The following MYO16 variants were observed in gnomAD, a reference collection of about 807,000 sequenced individuals.
MYO16 encodes unconventional myosin-XVI.
Under a neutral mutation model 205.3 loss-of-function variants are expected in MYO16, and 94 were observed. That is an observed-to-expected ratio of 0.46 (90% CI 0.39 to 0.54). The LOEUF (loss-of-function observed/expected upper bound fraction) is 0.54. MYO16 is among the 20% of genes least tolerant of loss of function. The pLI is 0.00. For synonymous variants in MYO16, 988 were observed against 954.0 expected, an observed-to-expected ratio of 1.04 and a Z score of -0.66; for missense variants, 2,315 against 2,387.5, an observed-to-expected ratio of 0.97 and a Z score of 0.63.
At chr13:108,887,557 T>C (rs1436672564) in intron 13 of MYO16, among the ~76,000 whole-genome samples, 1 of 152,178 alleles carries the variant, frequency 6.6e-6, no homozygotes, top group African/African-American at 2.4e-5. Flanking sequence ...AGGAATATAA[T>C]ATTTACCATT....
chr13:109,110,786 G>A (rs868267838), intron 28 of MYO16, among the ~76,000 whole-genome samples: 29 of 152,142 alleles, frequency 1.9e-4, no homozygotes, highest in African/African-American at 6.8e-4. Flanking sequence ...GAAATTTAAC[G>A]AATGAAATGG....
At chr13:108,953,324 G>C (rs1398075715) in intron 16 of MYO16, among the ~76,000 whole-genome samples, 1 of 152,164 alleles carries the variant, frequency 6.6e-6, no homozygotes. Flanking sequence ...ATTTGATTAA[G>C]AGCTTCATTA....
intron 4 of MYO16, among the ~76,000 whole-genome samples, chr13:108,770,057 C>T (rs8001093): frequency 0.018 from 2,729 of 151,880 alleles, 35 homozygotes; most frequent in South Asian, 0.036. Context: ...TGGAATGTGG[C>T]GTAGTAATTT....
rs556011063 is a variant in MYO16, at chr13:108,855,464, C to G, written c.1270C>G (p.Pro424Ala). ...CCAGGTCAAGCTAATGCCTCCTGCC[C>G]CAAACGATGACCTGGCAACGCTCAG... ...PEQVKLMPPA[P>A]NDDLATLSEL... Residue 424 changes from proline to alanine, a missense_variant, in exon 11 of 35, where the codon CCA becomes GCA. Physicochemically the swap from Pro to Ala is conservative, Grantham distance 27. This residue lies in a region of MYO16 where 1,213 missense variants were observed against 1,274.4 expected (regional missense o/e 0.95). Coordinates refer to ENST00000457511, the MANE Select transcript of MYO16 (RefSeq NM_001198950.3). The G allele has an allele frequency of 1.5e-5, 24 of 1,592,994 alleles. No individual in the cohort carries two copies. The highest frequency in any genetic ancestry group is 2.7e-5 in the African/African-American group (2 of 74,794).
rs753670728 is a variant in MYO16 at position 108,855,542 on chromosome 13, A to G, written c.1348A>G (p.Asn450Asp). The change falls in exon 11 of 35, where the codon AAT becomes GAT. Residue 450 changes from asparagine (N) to aspartate (D), a missense_variant. Around this residue, in one of 3 missense-constraint regions of MYO16, gnomAD observed 1,213 missense variants for 1,274.4 expected, o/e 0.95. Coordinates refer to ENST00000457511, the MANE Select transcript of MYO16 (RefSeq NM_001198950.3). ...TGAGATTCAGAAGCGCTTTGGGAAC[A>G]ATCAGATCTATGTGAGTGCCCTGGA... is the stretch of plus-strand genomic sequence containing the variant. ...LYEIQKRFGNNQIYTFIGDIL... is the reference protein window; with the variant it reads ...LYEIQKRFGNDQIYTFIGDIL... 6.3e-7 allele frequency: 1 copy of G among 1,582,884 alleles called. No homozygotes were observed. The highest frequency in any genetic ancestry group is 1.7e-5 in the Admixed American group (1 of 59,142).
At position 109,097,868 on chromosome 13, in the gene MYO16, G is replaced by A. The variant is rs77751826; in HGVS notation, c.3336-2917G>A. On this transcript the variant is annotated intron_variant, in intron 27 of 34. Transcript: ENST00000457511. ...ACTGATAAATTCATTCTGGTTTTTG[G>A]CTAGCAAGATGATGAGGATTCTCAA... Among the ~76,000 whole-genome samples, 16 of 152,230 alleles carry A rather than the reference G, an allele frequency of 1.1e-4. No homozygotes were observed. In the East Asian group the frequency reaches 2.9e-3, roughly 28 times the overall value.
intron 16 of MYO16, among the ~76,000 whole-genome samples, chr13:108,929,732 C>A (rs144609278): frequency 6.6e-6 from 1 of 151,992 alleles, no homozygotes; most frequent in East Asian, 1.9e-4. Context: ...AAGAGCTATC[C>A]GACCTCACAT....
intron 29 of MYO16, among the ~76,000 whole-genome samples, chr13:109,124,049 T>C (rs969658243): frequency 3.3e-5 from 5 of 152,320 alleles, no homozygotes; most frequent in South Asian, 2.1e-4. Context: ...AGAATTCCTC[T>C]ACCTGCACTT....
Position 109,125,235 on chromosome 13 carries a change from C to T in MYO16, c.3659C>T (p.Ala1220Val). The change falls in exon 30 of 35, where the codon GCC (alanine) becomes GTC (valine). Residue 1220 changes from alanine (A) to valine (V), a missense_variant. Coordinates refer to ENST00000457511, the MANE Select transcript of MYO16 (RefSeq NM_001198950.3). This position sits in a 1 kb window ranked among gnomAD's most constrained non-coding sequence, Gnocchi z 4.0. ...TEDMGLKTYD[A>V]LVIQNASDIA... ...GACATGGGGCTGAAAACCTACGATG[C>T]CCTGGTCATTCAGAATGCTTCAGAC... is the stretch of plus-strand genomic sequence containing the variant. The T allele has an allele frequency of 6.2e-7, 1 of 1,614,118 alleles. No individual in the cohort carries two copies. Among genetic ancestry groups the T allele is most frequent in the Non-Finnish European group, 8.5e-7 (1 of 1,180,012 alleles).
intron 2 of MYO16, among the ~76,000 whole-genome samples, chr13:108,667,326 T>G (rs1421616927): frequency 8.0e-5 from 12 of 150,004 alleles, no homozygotes; most frequent in African/African-American, 2.5e-4. Context: ...TTTTGTTTTT[T>G]TTTTTTTTTT....
At chr13:108,723,853 A>AT (rs1225140002) in intron 3 of MYO16, among the ~76,000 whole-genome samples, 13 of 148,142 alleles carry the variant, frequency 8.8e-5, no homozygotes, top group Admixed American at 8.0e-4. Context: ...CAATATCTAT[A>AT]AAAAAAAACC....
At chr13:108,677,791 T>C (rs1053271857) in intron 2 of MYO16, among the ~76,000 whole-genome samples, 1 of 152,150 alleles carries the variant, frequency 6.6e-6, no homozygotes, top group Non-Finnish European at 1.5e-5. Context: ...TTGATTAAAT[T>C]GAAACTGAAA....
intron 2 of MYO16, among the ~76,000 whole-genome samples, chr13:108,670,964 G>A (rs138722662): frequency 0.01 from 1,543 of 152,270 alleles, 14 homozygotes; most frequent in Non-Finnish European, 0.015. Context: ...ATGGATAAGT[G>A]TATTATGTAT....
intron 23 of MYO16, among the ~76,000 whole-genome samples, chr13:109,023,365 T>C (rs867322430): frequency 1.4e-3 from 94 of 66,176 alleles, no homozygotes; most frequent in African/African-American, 5.9e-3. Flanking sequence ...CAGATATAAA[T>C]ATATATTTAT....
intron 1 of MYO16, among the ~76,000 whole-genome samples, chr13:108,640,709 G>A (rs76220598): frequency 0.035 from 5,324 of 152,170 alleles, 137 homozygotes; most frequent in South Asian, 0.13. Flanking sequence ...ATCATCAAAG[G>A]CCATGTGTTG....
At chr13:109,151,480 C>T (rs1877660888) in intron 32 of MYO16, among the ~76,000 whole-genome samples, 3 of 152,124 alleles carry the variant, frequency 2.0e-5, no homozygotes, top group Non-Finnish European at 2.9e-5. Context: ...GAACTAGATC[C>T]GAGACTTGCA....
the MYO16 span, among the ~76,000 whole-genome samples, chr13:108,500,222 TTTTTTTTTTGTTTTTTTTG>T: frequency 0.56 from 6,531 of 11,706 alleles, 2,322 homozygotes; most frequent in South Asian, 0.75. Context: ...TTTTTTTTTG[TTTTTTTTTTGTTTTTTTTG>T]TTTTTTTTTT....
intron 21 of MYO16, among the ~76,000 whole-genome samples, chr13:108,998,205 C>G (rs1300691627): frequency 6.6e-6 from 1 of 152,178 alleles, no homozygotes; most frequent in East Asian, 1.9e-4. Context: ...TCTTCACATG[C>G]GTTATCACAT....
intron 14 of MYO16, among the ~76,000 whole-genome samples, chr13:108,890,104 A>ATTTTTTTTTTTT (rs60627565): frequency 1.5e-4 from 14 of 94,888 alleles, no homozygotes; most frequent in Admixed American, 2.9e-4. Context: ...TAATTTTTGT[A>ATTTTTTTTTTTT]TTTTTTTTTT....
Sources: gnomAD v4.1 joint callset for allele counts (sites outside exome capture counted in the v4.1 genomes callset) on GRCh38, gnomAD v4.1.1 for gene constraint, gnomAD v4.1.1 regional missense constraint, Gnocchi (gnomAD v3.1) non-coding constraint, MANE v1.5 for transcripts, NCBI Gene and HGNC (gene_info 2026-07-23, HGNC 2026-07-21) for gene names.